The following SLC24A2 variants were observed in gnomAD, a reference collection of about 807,000 sequenced individuals.
SLC24A2 encodes the protein sodium/potassium/calcium exchanger 2.
A neutral mutation model predicts 62.0 loss-of-function variants in SLC24A2; 36 were observed. The observed-to-expected ratio is 0.58, with a 90% CI of 0.44 to 0.77. The LOEUF is 0.77. Ranked by LOEUF, SLC24A2 falls within the 30% of genes least tolerant of loss-of-function variation. The pLI is 0.00. For missense variants in SLC24A2, 846 were observed against 817.9 expected (o/e 1.03, Z -0.42); for synonymous variants, 358 against 294.0 (o/e 1.22, Z -2.23).
At chr9:19,675,564 G>A (rs1587135701) in intron 2 of SLC24A2, among the ~76,000 whole-genome samples, 1 of 152,094 alleles carries the variant, frequency 6.6e-6, no homozygotes, top group Non-Finnish European at 1.5e-5. Flanking sequence ...TGGATCTCAG[G>A]CTAATGGAGT....
intron 2 of SLC24A2, among the ~76,000 whole-genome samples, chr9:19,715,703 G>A (rs1306854822): frequency 6.6e-6 from 1 of 152,140 alleles, no homozygotes; most frequent in East Asian, 1.9e-4. Context: ...GGGCTGGAGG[G>A]TACTTATAAA....
the SLC24A2 span, among the ~76,000 whole-genome samples, chr9:20,286,926 T>A: frequency 6.6e-6 from 1 of 152,152 alleles, no homozygotes; most frequent in African/African-American, 2.4e-5. Flanking sequence ...CACTAGAATG[T>A]TATGATTATA....
At chr9:19,678,688 A>G (rs1441351740) in intron 2 of SLC24A2, among the ~76,000 whole-genome samples, 1 of 152,200 alleles carries the variant, frequency 6.6e-6, no homozygotes, top group Non-Finnish European at 1.5e-5. Flanking sequence ...AATTAGGTGA[A>G]TCTGCTAAAT....
At chr9:20,269,043 G>A in the SLC24A2 span, among the ~76,000 whole-genome samples, 1 of 152,150 alleles carries the variant, frequency 6.6e-6, no homozygotes, top group Admixed American at 6.5e-5. Context: ...TAGCAGTTAA[G>A]GATGCAATAT....
chr9:19,833,572 AGCAGGG>A, the SLC24A2 span, among the ~76,000 whole-genome samples: 1 of 152,258 alleles, frequency 6.6e-6, no homozygotes, highest in Non-Finnish European at 1.5e-5. Context: ...TAAACAAAGC[AGCAGGG>A]AAGCTTGAAC....
chr9:19,746,460 A>C (rs746483977), intron 2 of SLC24A2, among the ~76,000 whole-genome samples: 3 of 152,114 alleles, frequency 2.0e-5, no homozygotes, highest in Admixed American at 6.6e-5. Flanking sequence ...TAGCATGTGG[A>C]GTCTCATGGT....
chr9:19,841,260 G>A, the SLC24A2 span, among the ~76,000 whole-genome samples: 5 of 152,250 alleles, frequency 3.3e-5, no homozygotes, highest in East Asian at 9.7e-4. Context: ...ATGTCAATAA[G>A]TGTTATGGAG....
chr9:19,636,343 C>CTTTCTTTG (rs1818342824), intron 2 of SLC24A2, among the ~76,000 whole-genome samples: 2 of 29,638 alleles, frequency 6.7e-5, no homozygotes, highest in Non-Finnish European at 6.6e-5. Context: ...TTCTTTCTTT[C>CTTTCTTTG]TTTCTTTCTT....
chr9:20,174,533 G>A, the SLC24A2 span, among the ~76,000 whole-genome samples: 183 of 151,838 alleles, frequency 1.2e-3, 2 homozygotes, highest in African/African-American at 4.3e-3. Flanking sequence ...ATCAAAAAGT[G>A]GGCTAAGGAC....
At chr9:19,832,810 A>C in the SLC24A2 span, among the ~76,000 whole-genome samples, 1 of 152,222 alleles carries the variant, frequency 6.6e-6, no homozygotes, top group Non-Finnish European at 1.5e-5. Flanking sequence ...GGCAACCTAC[A>C]GAATGGGAGA....
the SLC24A2 span, among the ~76,000 whole-genome samples, chr9:20,248,841 G>A: frequency 5.3e-5 from 8 of 152,306 alleles, no homozygotes; most frequent in East Asian, 1.5e-3. Context: ...CCACATGGCA[G>A]ACCTCCTACA....
At chr9:20,212,635 C>G in the SLC24A2 span, among the ~76,000 whole-genome samples, 2 of 151,074 alleles carry the variant, frequency 1.3e-5, no homozygotes, top group Non-Finnish European at 2.9e-5. Flanking sequence ...TCAATAACGC[C>G]AGGGATAAAT....
chr9:19,935,413 A>T, the SLC24A2 span, among the ~76,000 whole-genome samples: 1 of 151,992 alleles, frequency 6.6e-6, no homozygotes, highest in Admixed American at 6.6e-5. Context: ...ACAAAACAAA[A>T]AAAACCCAGC....
chr9:20,067,580 T>G, the SLC24A2 span, among the ~76,000 whole-genome samples: 1 of 152,138 alleles, frequency 6.6e-6, no homozygotes, highest in African/African-American at 2.4e-5. Context: ...TGTTCCCATG[T>G]TTGTGTCCAG....
At chr9:19,776,348 T>C (rs1822846158) in intron 2 of SLC24A2, among the ~76,000 whole-genome samples, 1 of 152,350 alleles carries the variant, frequency 6.6e-6, no homozygotes, top group East Asian at 1.9e-4. Flanking sequence ...CAATCATTTA[T>C]GTTTCCCAAT....
chr9:20,119,048 T>C, the SLC24A2 span, among the ~76,000 whole-genome samples: 1 of 152,134 alleles, frequency 6.6e-6, no homozygotes, highest in African/African-American at 2.4e-5. Flanking sequence ...GAGAGTGGTT[T>C]TAAAGAAATG....
the SLC24A2 span, among the ~76,000 whole-genome samples, chr9:20,190,064 T>G: frequency 6.6e-6 from 1 of 152,126 alleles, no homozygotes; most frequent in Non-Finnish European, 1.5e-5. Flanking sequence ...ATTAATTTCC[T>G]CTCCAGCGGT....
chr9:19,528,052 G>C lies in SLC24A2; in HGVS notation c.1566C>G (p.His522Gln). Residue 522 changes from histidine to glutamine, a missense_variant, in exon 9 of 11, where the codon CAC (histidine) becomes CAG (glutamine). Coordinates refer to ENST00000341998, the MANE Select transcript of SLC24A2 (RefSeq NM_020344.4). ...CATGTCACTATCAAAATCTTACCTGGTGCGCCCACCAGACCATCAAGTAAG... is the reference window on the plus strand; with the variant it reads ...CATGTCACTATCAAAATCTTACCTGCTGCGCCCACCAGACCATCAAGTAAG... ...VFSYLMVWWA[H>Q]QVGETIGISE... is the part of the protein sequence containing the mutation. 1.3e-6 allele frequency: 2 copies of C among 1,576,512 alleles called. No homozygotes were observed. The highest frequency in any genetic ancestry group is 1.7e-6 in the Non-Finnish European group (2 of 1,155,680).
chr9:19,663,926 T>A lies in SLC24A2; in HGVS notation c.931-41627A>T, dbSNP rs149479034. On this transcript the variant is annotated intron_variant, in intron 2 of 10. Coordinates refer to ENST00000341998, the MANE Select transcript of SLC24A2 (RefSeq NM_020344.4). ...GGAATTGATTTCCCTTCCAATATCCTGTCTCTCCTTCTAATAAGCAGGTGG... is the reference window on the plus strand; with the variant it reads ...GGAATTGATTTCCCTTCCAATATCCAGTCTCTCCTTCTAATAAGCAGGTGG... Among the ~76,000 whole-genome samples, 230 of 152,342 alleles carry A rather than the reference T, an allele frequency of 1.5e-3. 2 individuals carry two copies. In the East Asian group the frequency reaches 0.034, roughly 22 times the overall value.
Sources: gnomAD v4.1 joint callset for allele counts (sites outside exome capture counted in the v4.1 genomes callset) on GRCh38, gnomAD v4.1.1 for gene constraint, MANE v1.5 for transcripts, NCBI Gene and HGNC (gene_info 2026-07-23, HGNC 2026-07-21) for gene names.